Variants in IREB2 observed in about 807,000 individuals in gnomAD.
IREB2 encodes iron-responsive element-binding protein 2.
Under a neutral mutation model 118.8 loss-of-function variants are expected in IREB2, and 39 were observed. The observed-to-expected ratio is 0.33, with a 90% CI of 0.25 to 0.43. IREB2 has a LOEUF of 0.43. Ranked by LOEUF, IREB2 falls within the 20% of genes least tolerant of loss-of-function variation. IREB2 has a pLI of 1.00. For missense variants in IREB2, 900 were observed against 1,147.3 expected (o/e 0.78, Z 3.11); for synonymous variants, 372 against 392.2 (o/e 0.95, Z 0.61).
intron 8 of IREB2, 117 bp from the exon 9 acceptor site, chr15:78,476,071 T>G: frequency 1.6e-6 from 1 of 623,954 alleles, no homozygotes; most frequent in African/African-American, 1.8e-5. Context: ...CAATGAAGGA[T>G]CTCATTCCTT....
At chr15:78,491,260 C>T (rs1479985419) in intron 18 of IREB2, among the ~76,000 whole-genome samples, 3 of 151,950 alleles carry the variant, frequency 2.0e-5, no homozygotes, top group Non-Finnish European at 4.4e-5. Flanking sequence ...GAACAATAAA[C>T]GTAAAGGCCA....
intron 5 of IREB2, 36 bp downstream of exon 5, chr15:78,466,525 A>C (rs765354894): frequency 7.1e-7 from 1 of 1,403,680 alleles, no homozygotes; most frequent in Non-Finnish European, 1.0e-6. Flanking sequence ...TATTAATACC[A>C]GGTTATTTTC....
chr15:78,479,036 A>G (rs1213005246), intron 10 of IREB2, among the ~76,000 whole-genome samples: 2 of 152,156 alleles, frequency 1.3e-5, no homozygotes, highest in Non-Finnish European at 2.9e-5. Flanking sequence ...CTCTGTGCTC[A>G]AGCTCCCACC....
At chr15:78,442,034 G>A (rs1381207608) in intron 2 of IREB2, among the ~76,000 whole-genome samples, 2 of 151,996 alleles carry the variant, frequency 1.3e-5, no homozygotes, top group Non-Finnish European at 2.9e-5. Flanking sequence ...AACCTCCCAA[G>A]TAGCTGGTAC....
chr15:78,464,967 A>G (rs1308729534), intron 3 of IREB2, among the ~76,000 whole-genome samples: 1 of 152,234 alleles, frequency 6.6e-6, no homozygotes, highest in East Asian at 1.9e-4. Context: ...TCAAAAAAAT[A>G]CATGGCAAGA....
chr15:78,470,689 CTTTTTTTTTTTTTTTTTT>C, intron 6 of IREB2, 88 bp downstream of exon 6: 1 of 209,426 alleles, frequency 4.8e-6, no homozygotes, highest in Non-Finnish European at 8.4e-6. Flanking sequence ...TTTTCTTTTC[CTTTTTTTTTTTTTTTTTT>C]TTTTTAAGAC....
At position 78,439,701 on chromosome 15, in the gene IREB2, G is replaced by C. The variant is rs1437520341; in HGVS notation, c.20-94G>C. The C allele has an allele frequency of 4.2e-6, 3 of 713,410 alleles. No individual in the cohort carries two copies. The African/African-American group carries it at 5.5e-5, about 13-fold the overall frequency. The allele number at this position is 713,410 out of a possible 1,614,324, so 44.2% of individuals were successfully genotyped here. A position where few individuals can be genotyped will look rare whatever the true frequency, so the allele number is the denominator to read the frequency against. ...AACATAGAATATTTTTACCATTGCAGAAAATTCTATTGGATAAAGCTAGTT... is the reference window on the plus strand; with the variant it reads ...AACATAGAATATTTTTACCATTGCACAAAATTCTATTGGATAAAGCTAGTT... On this transcript the variant is annotated intron_variant, in intron 1 of 21. Transcript: ENST00000258886.
intron 2 of IREB2, among the ~76,000 whole-genome samples, chr15:78,442,166 G>A (rs1021191692): frequency 6.6e-6 from 1 of 152,126 alleles, no homozygotes; most frequent in Non-Finnish European, 1.5e-5. Flanking sequence ...AAAGTGCTGG[G>A]ATTACAGGAG....
At chr15:78,467,948 C>G (rs955662828) in intron 5 of IREB2, among the ~76,000 whole-genome samples, 6 of 152,092 alleles carry the variant, frequency 3.9e-5, no homozygotes, top group Admixed American at 3.9e-4. Context: ...CAGTCTCGAT[C>G]TCTTGGACTC....
intron 10 of IREB2, chr15:78,481,904 G>A (rs1418215615): frequency 2.0e-5 from 3 of 152,202 alleles, no homozygotes; most frequent in African/African-American, 7.2e-5. Flanking sequence ...TTCTTAAATG[G>A]ATATTTATGG....
intron 2 of IREB2, among the ~76,000 whole-genome samples, chr15:78,459,013 C>T (rs998700187): frequency 3.9e-5 from 6 of 151,972 alleles, no homozygotes; most frequent in African/African-American, 1.5e-4. Flanking sequence ...GTTGCCCAGG[C>T]TAGTCTTGAT....
intron 2 of IREB2, among the ~76,000 whole-genome samples, chr15:78,440,412 A>G (rs2938671): frequency 0.78 from 118,171 of 151,492 alleles, 46,389 homozygotes; most frequent in African/African-American, 0.85. Context: ...TGCCCAGGCT[A>G]GAGCACAGTG....
At chr15:78,487,475 T>C (rs1338741765) in intron 13 of IREB2, among the ~76,000 whole-genome samples, 1 of 152,160 alleles carries the variant, frequency 6.6e-6, no homozygotes, top group Non-Finnish European at 1.5e-5. Context: ...TGGCCCCAGC[T>C]ACTTAGGAGG....
chr15:78,450,573 A>G (rs569522488), intron 2 of IREB2, among the ~76,000 whole-genome samples: 1 of 152,174 alleles, frequency 6.6e-6, no homozygotes, highest in Admixed American at 6.5e-5. Context: ...CGTTGGGAAA[A>G]CAGATGCTGG....
intron 7 of IREB2, among the ~76,000 whole-genome samples, chr15:78,472,791 C>T (rs983607429): frequency 5.3e-5 from 8 of 152,204 alleles, no homozygotes; most frequent in African/African-American, 1.9e-4. Context: ...CCTCAGTTAT[C>T]TTCTGAAAGT....
At chr15:78,470,755 C>A in intron 6 of IREB2, 154 bp downstream of exon 6, 1 of 419,234 alleles carries the variant, frequency 2.4e-6, no homozygotes, top group Non-Finnish European at 4.1e-6. Context: ...AGTCCAGTGG[C>A]GTGATCTCAG....
chr15:78,437,943 G>T (rs887896745), upstream of IREB2, among the ~76,000 whole-genome samples: 1 of 152,190 alleles, frequency 6.6e-6, no homozygotes, highest in Non-Finnish European at 1.5e-5. Context: ...AACACCGCTC[G>T]AATTCATGAC....
At chr15:78,485,581 A>T (rs771485686) in intron 12 of IREB2, 124 bp from the exon 13 acceptor site, 18 of 975,104 alleles carry the variant, frequency 1.8e-5, no homozygotes, top group African/African-American at 5.0e-5. Flanking sequence ...CAAAATAATG[A>T]CAGTAAGTTT....
chr15:78,468,073 C>T (rs546898349), intron 5 of IREB2, among the ~76,000 whole-genome samples: 1 of 152,208 alleles, frequency 6.6e-6, no homozygotes, highest in African/African-American at 2.4e-5. Context: ...AGACTGGTCT[C>T]GAACTCCTGG....
Sources: gnomAD v4.1 joint callset for allele counts (sites outside exome capture counted in the v4.1 genomes callset) on GRCh38, gnomAD v4.1.1 for gene constraint, MANE v1.5 for transcripts, NCBI Gene and HGNC (gene_info 2026-07-23, HGNC 2026-07-21) for gene names.